CRLF2: variants seen among roughly 807,000 people sequenced by gnomAD.
CRLF2 encodes cytokine receptor like factor 2.
Under a neutral mutation model 38.7 loss-of-function variants are expected in CRLF2, and 41 were observed. That is an observed-to-expected ratio of 1.06 (90% CI 0.83 to 1.37). CRLF2 has a LOEUF of 1.37. Among genes scored for constraint, CRLF2 ranks in the 40% most tolerant of loss-of-function variants. CRLF2 has a pLI of 0.00. For synonymous variants in CRLF2, 140 were observed against 128.8 expected (o/e 1.09, Z -0.59); for missense variants, 377 against 322.2 (o/e 1.17, Z -1.30).
rs771715391 is a variant in CRLF2 at position 1,210,656 on chromosome X, G to T, written c.80-1748C>A. Among the ~76,000 whole-genome samples, 10 of 152,292 alleles carry T rather than the reference G, an allele frequency of 6.6e-5. No individual in the cohort carries two copies. The South Asian group carries it at 1.2e-3, about 19-fold the overall frequency. ...GTCAGTTACAGGTTTGGAAAGATGG[G>T]GTACAGTGAACCTTGTCATGTTGGG... On this transcript the variant is annotated intron_variant, in intron 1 of 7. Coordinates refer to ENST00000400841, the MANE Select transcript of CRLF2 (RefSeq NM_022148.4).
Position 1,196,769 on chromosome X carries a change from G to A in CRLF2, c.767+11C>T. ...GTCCCTCCACCCACGGGCGGCAGGA[G>A]TCATCCTTACCTCCATAATTTCCAT... is the stretch of plus-strand genomic sequence containing the variant. On this transcript the variant is annotated intron_variant, in intron 6 of 7. Coordinates refer to ENST00000400841, the MANE Select transcript of CRLF2 (RefSeq NM_022148.4). 3 of 1,612,800 alleles carry A rather than the reference G, an allele frequency of 1.9e-6. No homozygotes were observed. Among genetic ancestry groups the A allele is most frequent in the Admixed American group, 1.7e-5 (1 of 59,836 alleles).
At chrX:1,200,163 CTGTATATAAGCTG>C (rs1384961114) in intron 4 of CRLF2, among the ~76,000 whole-genome samples, 11 of 147,416 alleles carry the variant, frequency 7.5e-5, no homozygotes, top group South Asian at 4.3e-4. Flanking sequence ...GTATATATAC[CTGTATATAAGCTG>C]TGTATATAAG....
intron 1 of CRLF2, among the ~76,000 whole-genome samples, chrX:1,211,363 GGA>G (rs2086797158): frequency 8.3e-5 from 11 of 132,994 alleles, no homozygotes; most frequent in African/African-American, 1.1e-4. Context: ...ATGGGTGGAT[GGA>G]TGGATGGATG....
In CRLF2 at chrX:1,212,545, T is replaced by A; in HGVS notation, c.79+11A>T. ...CAAAATACAACAAGAAGAGGGTGTT[T>A]AAATAATTACCTGCTCCTCCTTGCC... On this transcript the variant is annotated intron_variant, in intron 1 of 7. Transcript: ENST00000400841. 3 of 1,605,564 alleles carry A rather than the reference T, an allele frequency of 1.9e-6. No homozygotes were observed. Among genetic ancestry groups the A allele is most frequent in the Non-Finnish European group, 2.6e-6 (3 of 1,172,992 alleles).
rs865774962 is a variant in CRLF2 at position 1,209,294 on chromosome X, T to G, written c.80-386A>C. On this transcript the variant is annotated intron_variant, in intron 1 of 7. Coordinates refer to ENST00000400841, the MANE Select transcript of CRLF2 (RefSeq NM_022148.4). The stretch of plus-strand genomic sequence containing the variant: ...TTGTATTGCATTGTATTGCATTGTA[T>G]TGTAGTGTAGTGTAGTGTAGTGTAG... 4.3e-3 allele frequency among the ~76,000 whole-genome samples: 616 copies of G among 142,504 alleles called. 8 individuals are homozygous for G. Among genetic ancestry groups the G allele is most frequent in the Admixed American group, 0.029 (395 of 13,712 alleles). The allele number at this position is 142,504 out of a possible 152,430, so 93.5% of individuals were successfully genotyped here. A position where few individuals can be genotyped will look rare whatever the true frequency, so the allele number is the denominator to read the frequency against.
chrX:1,209,120 A>G (rs1464320190), intron 1 of CRLF2, among the ~76,000 whole-genome samples: 1 of 151,058 alleles, frequency 6.6e-6, no homozygotes, highest in East Asian at 2.0e-4. Context: ...GGCACCTGTC[A>G]CCACACCTGG....
intron 4 of CRLF2, among the ~76,000 whole-genome samples, chrX:1,199,364 G>T (rs1436279545): frequency 6.6e-6 from 1 of 151,918 alleles, no homozygotes; most frequent in African/African-American, 2.4e-5. Flanking sequence ...GAGTGCAGTG[G>T]TGCGGTCTCG....
intron 2 of CRLF2, 59 bp downstream of exon 2, chrX:1,208,747 C>T: frequency 1.0e-6 from 1 of 999,950 alleles, no homozygotes; most frequent in Non-Finnish European, 1.6e-6. Context: ...TCGCTGACGG[C>T]TCAGAAGAGC....
At position 1,209,477 on chromosome X, in the gene CRLF2, G is replaced by A. The variant is rs779329353; in HGVS notation, c.80-569C>T. Reference sequence around the variant, plus strand: ...CTCCCGAGTAGCTGGGGCTACAGGTGCCCGCCACCATGCCTGGATAATTTT... The same window carrying A: ...CTCCCGAGTAGCTGGGGCTACAGGTACCCGCCACCATGCCTGGATAATTTT... On this transcript the variant is annotated intron_variant, in intron 1 of 7. Coordinates refer to ENST00000400841, the MANE Select transcript of CRLF2 (RefSeq NM_022148.4). Among the ~76,000 whole-genome samples the A allele has an allele frequency of 3.2e-3, 486 of 150,902 alleles. 2 individuals carry two copies. Among genetic ancestry groups the A allele is most frequent in the African/African-American group, 0.012 (477 of 41,070 alleles).
chrX:1,191,877 A>C (rs1312218966), intron 7 of CRLF2, among the ~76,000 whole-genome samples: 2 of 152,028 alleles, frequency 1.3e-5, no homozygotes, highest in African/African-American at 4.8e-5. Context: ...CGGACTCTCC[A>C]GTCAGCCAAG....
intron 1 of CRLF2, among the ~76,000 whole-genome samples, chrX:1,211,357 G>A (rs867223153): frequency 0.011 from 489 of 46,162 alleles, 1 homozygote; most frequent in Middle Eastern, 0.037. Context: ...GGGTGGATGG[G>A]TGGATGGATG....
intron 4 of CRLF2, chrX:1,199,017 C>G: frequency 6.7e-6 from 3 of 445,690 alleles, no homozygotes; most frequent in Non-Finnish European, 1.3e-5. Context: ...GGCGTGGTGG[C>G]GGGTGCCTGT....
chrX:1,211,515 G>A (rs1402561507), intron 1 of CRLF2, among the ~76,000 whole-genome samples: 5 of 51,114 alleles, frequency 9.8e-5, no homozygotes, highest in Non-Finnish European at 1.8e-4. Context: ...AAGTGTGGGT[G>A]AATGCATGGA....
At chrX:1,191,189 A>T (rs2093984882) in intron 7 of CRLF2, 29 bp from the exon 8 acceptor site, 1 of 398,506 alleles carries the variant, frequency 2.5e-6, no homozygotes, top group African/African-American at 2.1e-5. Context: ...TAGCTCAAAC[A>T]CAGTGGACAC....
At chrX:1,198,345 C>T (rs374857993) in intron 5 of CRLF2, among the ~76,000 whole-genome samples, 52 of 49,384 alleles carry the variant, frequency 1.1e-3, no homozygotes, top group African/African-American at 4.1e-3. Flanking sequence ...ACCTCGAAGG[C>T]AGGACAGCCT....
At chrX:1,208,774 G>T in intron 2 of CRLF2, 32 bp downstream of exon 2, 1 of 1,284,428 alleles carries the variant, frequency 7.8e-7, no homozygotes, top group Non-Finnish European at 1.1e-6. Flanking sequence ...GAGCCCCCTG[G>T]GCGTGGGGTT....
At chrX:1,201,114 T>C (rs1242963735) in intron 4 of CRLF2, among the ~76,000 whole-genome samples, 1 of 152,146 alleles carries the variant, frequency 6.6e-6, no homozygotes, top group Non-Finnish European at 1.5e-5. Flanking sequence ...TAAGTATTTG[T>C]GTATCTAAAC....
chrX:1,208,925 G>A lies in CRLF2; in HGVS notation c.80-17C>T, dbSNP rs370680100. 2.9e-5 allele frequency: 40 copies of A among 1,386,362 alleles called. 2 individuals are homozygous for A. The highest frequency in any genetic ancestry group is 2.7e-4 in the South Asian group (23 of 83,884). 85.9% of individuals were successfully genotyped at this position (1,386,362 alleles called of 1,614,324 possible). On this transcript the variant is annotated splice_polypyrimidine_tract_variant and intron_variant, in intron 1 of 7. Transcript: ENST00000400841. ...CTCCTTCTGCTAGACACAGAGAGAC[G>A]CATGAAGTTCACGGTGAGGCAACTC...
chrX:1,201,817 G>C (rs1375279641), intron 4 of CRLF2, among the ~76,000 whole-genome samples: 2 of 151,982 alleles, frequency 1.3e-5, no homozygotes, highest in Admixed American at 6.6e-5. Flanking sequence ...GTTAGATAGA[G>C]ATGATAGATA....
Sources: gnomAD v4.1 joint callset for allele counts (sites outside exome capture counted in the v4.1 genomes callset) on GRCh38, gnomAD v4.1.1 for gene constraint, MANE v1.5 for transcripts, NCBI Gene and HGNC (gene_info 2026-07-23, HGNC 2026-07-21) for gene names.